The following ECT2 variants were observed in gnomAD, a reference collection of about 807,000 sequenced individuals.
ECT2 encodes protein ECT2.
In ECT2, 61 loss-of-function variants were observed where a neutral mutation model predicts 116.9. The observed-to-expected ratio is 0.52, with a 90% confidence interval of 0.42 to 0.65. The LOEUF is 0.65. ECT2 is among the 30% of genes least tolerant of loss of function. The pLI is 0.00. For synonymous variants in ECT2, 358 were observed against 346.4 expected, an observed-to-expected ratio of 1.03 and a Z score of -0.37; for missense variants, 937 against 1,078.7, an observed-to-expected ratio of 0.87 and a Z score of 1.84.
intron 14 of ECT2, among the ~76,000 whole-genome samples, chr3:172,779,472 T>C (rs1576924364): frequency 2.0e-5 from 3 of 152,226 alleles, no homozygotes; most frequent in Admixed American, 6.5e-5. Context: ...TTCTTAAAGA[T>C]TGAAGAAGTT....
chr3:172,825,772 T>G (rs1202559812), downstream of ECT2, among the ~76,000 whole-genome samples: 1 of 152,198 alleles, frequency 6.6e-6, no homozygotes. Flanking sequence ...CAAATGCTGA[T>G]AGGGAAGCTG....
chr3:172,828,540 C>T, the ECT2 span, among the ~76,000 whole-genome samples: 3 of 151,824 alleles, frequency 2.0e-5, no homozygotes, highest in South Asian at 6.3e-4. Context: ...TTAAACCAAG[C>T]CGACAGCATT....
At chr3:172,793,939 A>C (rs768642854) in intron 18 of ECT2, among the ~76,000 whole-genome samples, 50 of 152,024 alleles carry the variant, frequency 3.3e-4, no homozygotes, top group Non-Finnish European at 6.5e-4. Context: ...TTGAAAAAAA[A>C]ATTGTGTTTT....
In ECT2 at chr3:172,815,722, G is replaced by A; in HGVS notation, c.2508+11G>A. The A allele has an allele frequency of 6.6e-7, 1 of 1,511,424 alleles. No individual in the cohort carries two copies. 93.6% of individuals were successfully genotyped at this position (1,511,424 alleles called of 1,614,324 possible). A position where few individuals can be genotyped will look rare whatever the true frequency, so the allele number is the denominator to read the frequency against. On this transcript the variant is annotated intron_variant, in intron 23 of 24. Transcript: ENST00000392692. The stretch of plus-strand genomic sequence containing the variant: ...AAGACTTCAAAAAAGGTGAGTTTTA[G>A]TGAAAGTATTATTTAGCACATCTCT...
intron 7 of ECT2, among the ~76,000 whole-genome samples, chr3:172,760,686 T>C (rs2108281992): frequency 6.7e-6 from 1 of 149,214 alleles, no homozygotes; most frequent in South Asian, 2.1e-4. Flanking sequence ...ATTGTGAAAG[T>C]AGGGAATTTA....
At chr3:172,753,394 C>CCCT (rs1716325163) in intron 1 of ECT2, among the ~76,000 whole-genome samples, 2 of 152,114 alleles carry the variant, frequency 1.3e-5, no homozygotes, top group Admixed American at 1.3e-4. Context: ...CCCCAACCCA[C>CCCT]CCTGATGAAA....
At chr3:172,818,930 A>G (rs1730262981) in intron 24 of ECT2, 1 of 826,882 alleles carries the variant, frequency 1.2e-6, no homozygotes, top group South Asian at 2.5e-5. Context: ...CAATGTTATG[A>G]CTGCTTTGAA....
chr3:172,790,654 T>C (rs1248048611), intron 18 of ECT2, among the ~76,000 whole-genome samples: 2 of 152,228 alleles, frequency 1.3e-5, no homozygotes, highest in Non-Finnish European at 2.9e-5. Flanking sequence ...ATGAAATATG[T>C]TTCTTAGATA....
intron 23 of ECT2, among the ~76,000 whole-genome samples, chr3:172,816,422 G>A (rs1729728219): frequency 6.6e-6 from 1 of 152,052 alleles, no homozygotes. Context: ...CTCACAACTA[G>A]ACTGGCTGAA....
At chr3:172,827,499 C>T in the ECT2 span, among the ~76,000 whole-genome samples, 1 of 152,106 alleles carries the variant, frequency 6.6e-6, no homozygotes, top group Admixed American at 6.5e-5. Context: ...AACTGGAGGA[C>T]ATGTTAAGTC....
At chr3:172,759,687 G>A (rs146048895) in intron 6 of ECT2, among the ~76,000 whole-genome samples, 5,202 of 152,062 alleles carry the variant, frequency 0.034, 169 homozygotes, top group East Asian at 0.16. Flanking sequence ...CTCGTGATCC[G>A]CTTGCCTCGG....
At chr3:172,815,120 A>T (rs1729459801) in intron 22 of ECT2, among the ~76,000 whole-genome samples, 1 of 152,180 alleles carries the variant, frequency 6.6e-6, no homozygotes, top group Admixed American at 6.6e-5. Context: ...AAAATTTTGC[A>T]CCCAATTTCT....
chr3:172,796,981 C>T (rs1725766202), intron 18 of ECT2, among the ~76,000 whole-genome samples: 1 of 147,274 alleles, frequency 6.8e-6, no homozygotes, highest in Non-Finnish European at 1.5e-5. Flanking sequence ...GTAGCATTTT[C>T]CTTTTGAAGT....
In ECT2 at chr3:172,760,250, G is replaced by A; in HGVS notation, c.671G>A (p.Gly224Glu). 1 of 1,609,074 alleles carries A rather than the reference G, an allele frequency of 6.2e-7. No homozygotes were observed. The highest frequency in any genetic ancestry group is 8.5e-7 in the Non-Finnish European group (1 of 1,177,074). ...CATTTGGTGGCAAATTGTACACAAG[G>A]AGAAAAATTCAGGGTATGTAAACTT... is the stretch of plus-strand genomic sequence containing the variant. The part of the protein sequence containing the change: ...VTHLVANCTQ[G>E]EKFRVAVSLG... The change falls in exon 7 of 25, where the codon GGA (glycine) becomes GAA (glutamate). Residue 224 changes from glycine to glutamate, a missense_variant. Gly to Glu is a moderately conservative substitution (Grantham distance 98). Coordinates refer to ENST00000392692, the MANE Select transcript of ECT2 (RefSeq NM_001258315.2).
At chr3:172,771,269 CAG>C (rs1353427171) in intron 13 of ECT2, 1 of 152,094 alleles carries the variant, frequency 6.6e-6, no homozygotes, top group Non-Finnish European at 1.5e-5. Flanking sequence ...TCATATAAGT[CAG>C]AGCTGGTTTA....
chr3:172,762,198 A>C (rs990147798), intron 8 of ECT2, among the ~76,000 whole-genome samples: 1 of 152,168 alleles, frequency 6.6e-6, no homozygotes, highest in Non-Finnish European at 1.5e-5. Context: ...TGTAAAGCTT[A>C]TCTGTGATCA....
intron 24 of ECT2, chr3:172,818,687 C>T (rs948910606): frequency 7.8e-7 from 1 of 1,289,136 alleles, no homozygotes; most frequent in Admixed American, 2.3e-5. Context: ...GCTAGTTTTT[C>T]AGAGATACTA....
rs542002229 is a variant in ECT2 at position 172,758,811 on chromosome 3, A to G, written c.487-169A>G. On this transcript the variant is annotated intron_variant, in intron 5 of 24. Coordinates refer to ENST00000392692, the MANE Select transcript of ECT2 (RefSeq NM_001258315.2). ...AAATATTTTTATTGGGAAACTTGCA[A>G]TCTGTCGTTTTGCTGTTTTTTTGTT... is the stretch of plus-strand genomic sequence containing the variant. Among the ~76,000 whole-genome samples, 43 of 152,320 alleles carry G rather than the reference A, an allele frequency of 2.8e-4. 1 individual carries two copies. The South Asian group carries it at 8.1e-3, about 29-fold the overall frequency.
intron 15 of ECT2, among the ~76,000 whole-genome samples, chr3:172,783,264 T>C (rs1272535021): frequency 1.3e-5 from 2 of 152,314 alleles, no homozygotes; most frequent in East Asian, 3.9e-4. Context: ...CTAACTTCTT[T>C]CCTTACAAAA....
Sources: gnomAD v4.1 joint callset for allele counts (sites outside exome capture counted in the v4.1 genomes callset) on GRCh38, gnomAD v4.1.1 for gene constraint, MANE v1.5 for transcripts, NCBI Gene and HGNC (gene_info 2026-07-23, HGNC 2026-07-21) for gene names.